MED12L: variants seen among roughly 807,000 people sequenced by gnomAD.
The protein encoded by MED12L is mediator of RNA polymerase II transcription subunit 12-like protein.
Under a neutral mutation model 281.3 loss-of-function variants are expected in MED12L, and 60 were observed. The ratio of observed to expected loss-of-function variants is 0.21; its 90% CI spans 0.17 to 0.26. The LOEUF is 0.26. MED12L is among the 10% of genes least tolerant of loss of function. MED12L has a pLI of 1.00. For synonymous variants in MED12L, 974 were observed against 987.2 expected, an observed-to-expected ratio of 0.99 and a Z score of 0.25; for missense variants, 2,146 against 2,680.9, an observed-to-expected ratio of 0.80 and a Z score of 4.41.
chr3:151,097,479 A>T (rs1052253698), intron 2 of MED12L, among the ~76,000 whole-genome samples: 1 of 152,196 alleles, frequency 6.6e-6, no homozygotes, highest in East Asian at 1.9e-4. Flanking sequence ...CTACTGTGTC[A>T]CTGACTTCCA....
intron 2 of MED12L, among the ~76,000 whole-genome samples, chr3:151,114,256 G>A (rs956838951): frequency 4.6e-5 from 7 of 152,156 alleles, no homozygotes; most frequent in Non-Finnish European, 7.3e-5. Context: ...TGCGGATCAC[G>A]ATTTCAGTGA....
At position 151,192,548 on chromosome 3, in the gene MED12L, A is replaced by T; in HGVS notation, c.1969-2A>T. On this transcript the variant is annotated splice_acceptor_variant, in intron 14 of 44. Transcript: ENST00000687756. LOFTEE classifies it high-confidence loss of function. ...TTACTTTCTTTCTCTGGCGATTATC[A>T]GGAACAGAGTATTATGGCGCATATG... The T allele has an allele frequency of 6.5e-7, 1 of 1,528,016 alleles. No individual in the cohort carries two copies. The highest frequency in any genetic ancestry group is 8.8e-7 in the Non-Finnish European group (1 of 1,139,474). The allele number at this position is 1,528,016 out of a possible 1,614,324, so 94.7% of individuals were successfully genotyped here. A position where few individuals can be genotyped will look rare whatever the true frequency, so the allele number is the denominator to read the frequency against.
chr3:151,311,684 CTTCATCATG>C (rs1376041183), intron 16 of MED12L, among the ~76,000 whole-genome samples: 1 of 152,152 alleles, frequency 6.6e-6, no homozygotes. Context: ...CCACATTCTA[CTTCATCATG>C]ATATGTAGCA....
intron 36 of MED12L, among the ~76,000 whole-genome samples, chr3:151,386,578 GTT>G (rs201719010): frequency 1.6e-5 from 2 of 128,376 alleles, no homozygotes; most frequent in Non-Finnish European, 3.2e-5. Flanking sequence ...TTTTGTCTTT[GTT>G]TTTTTTTTTT....
Position 151,337,928 on chromosome 3 carries a change from T to G in MED12L, c.2251-12131T>G, listed in dbSNP as rs1448402312. ...ACTTCAGCATACTTATCAAGGAATTTCTGAAGGACTTGCAAAGGAAAAAAT... is the reference window on the plus strand; with the variant it reads ...ACTTCAGCATACTTATCAAGGAATTGCTGAAGGACTTGCAAAGGAAAAAAT... On this transcript the variant is annotated intron_variant, in intron 16 of 44. Coordinates refer to ENST00000687756, the MANE Select transcript of MED12L (RefSeq NM_001393769.1). 7 of 1,614,020 alleles carry G rather than the reference T, an allele frequency of 4.3e-6. No individual in the cohort carries two copies. The African/African-American group carries it at 8.0e-5, about 18-fold the overall frequency.
intron 18 of MED12L, 29 bp from the exon 19 acceptor site, chr3:151,355,866 CT>C: frequency 6.4e-7 from 1 of 1,567,172 alleles, no homozygotes; most frequent in Admixed American, 1.8e-5. Context: ...GAATATTGGT[CT>C]TACAATATTT....
intron 25 of MED12L, among the ~76,000 whole-genome samples, chr3:151,369,200 A>G (rs901365275): frequency 6.6e-6 from 1 of 152,204 alleles, no homozygotes; most frequent in Non-Finnish European, 1.5e-5. Context: ...AGGTCCTACT[A>G]ATCTTGTTGA....
intron 39 of MED12L, among the ~76,000 whole-genome samples, chr3:151,400,151 A>G (rs1715493468): frequency 6.6e-6 from 1 of 152,072 alleles, no homozygotes; most frequent in African/African-American, 2.4e-5. Flanking sequence ...TACCCCTCAC[A>G]ATATCGACAT....
chr3:151,350,365 C>A (rs1201767726), intron 17 of MED12L, among the ~76,000 whole-genome samples, 159 bp downstream of exon 17: 5 of 151,768 alleles, frequency 3.3e-5, no homozygotes, highest in African/African-American at 9.7e-5. Flanking sequence ...AATTTTAAAG[C>A]CTTGTTTCCA....
intron 30 of MED12L, 108 bp from the exon 31 acceptor site, chr3:151,377,904 C>T: frequency 1.9e-6 from 2 of 1,068,558 alleles, no homozygotes; most frequent in Non-Finnish European, 1.3e-6. Context: ...AATTTTAGAA[C>T]AGTCTGTGTG....
At chr3:151,347,697 G>A (rs533711836) in intron 16 of MED12L, among the ~76,000 whole-genome samples, 1 of 152,176 alleles carries the variant, frequency 6.6e-6, no homozygotes, top group Non-Finnish European at 1.5e-5. Flanking sequence ...GGGATGTGCA[G>A]AGGAGGAGGG....
At chr3:151,114,504 G>A (rs1252274514) in intron 2 of MED12L, among the ~76,000 whole-genome samples, 4 of 152,138 alleles carry the variant, frequency 2.6e-5, no homozygotes, top group Non-Finnish European at 5.9e-5. Flanking sequence ...TAATCATAGC[G>A]GTGATTTTGA....
chr3:151,326,113 T>C (rs983889934), intron 16 of MED12L, among the ~76,000 whole-genome samples: 1 of 152,200 alleles, frequency 6.6e-6, no homozygotes, highest in African/African-American at 2.4e-5. Context: ...GGCTATTCCA[T>C]GATCCTCCTG....
chr3:151,179,335 AAAAAAAAAGGGCG>A (rs1458521491), intron 11 of MED12L, among the ~76,000 whole-genome samples: 1 of 151,474 alleles, frequency 6.6e-6, no homozygotes, highest in Non-Finnish European at 1.5e-5. Flanking sequence ...GCCAGACCGA[AAAAAAAAAGGGCG>A]GGGGGTTAAT....
chr3:151,436,562 G>T lies in MED12L; in HGVS notation c.*3758G>T. 1.6e-6 allele frequency: 1 copy of T among 633,578 alleles called. No individual in the cohort carries two copies. The highest frequency in any genetic ancestry group is 2.7e-6 in the Non-Finnish European group (1 of 372,120). The allele number at this position is 633,578 out of a possible 1,614,324, so 39.2% of individuals were successfully genotyped here. ...ATTTATTTACAAGTCCTTTTATTTT[G>T]CATGTTCATTGTAAATTTAATACTG... On this transcript the variant is annotated 3_prime_UTR_variant, in exon 45 of 45. Coordinates refer to ENST00000687756, the MANE Select transcript of MED12L (RefSeq NM_001393769.1).
At chr3:151,158,507 A>C (rs1437718529) in intron 6 of MED12L, among the ~76,000 whole-genome samples, 182 bp from the exon 7 acceptor site, 1 of 152,132 alleles carries the variant, frequency 6.6e-6, no homozygotes, top group Non-Finnish European at 1.5e-5. Context: ...CTAAAAAACA[A>C]AAAAAACTAT....
intron 7 of MED12L, among the ~76,000 whole-genome samples, chr3:151,159,360 C>T (rs1253085142): frequency 6.6e-6 from 1 of 152,190 alleles, no homozygotes; most frequent in Non-Finnish European, 1.5e-5. Flanking sequence ...CATACCCTCC[C>T]CACAGACTAT....
intron 31 of MED12L, among the ~76,000 whole-genome samples, chr3:151,378,965 A>G (rs1345213675): frequency 6.6e-6 from 1 of 152,214 alleles, no homozygotes; most frequent in East Asian, 1.9e-4. Flanking sequence ...TATCTTCTTT[A>G]TATCATGTTG....
chr3:151,277,987 G>A (rs1742173089), intron 16 of MED12L, among the ~76,000 whole-genome samples: 1 of 152,166 alleles, frequency 6.6e-6, no homozygotes, highest in Non-Finnish European at 1.5e-5. Flanking sequence ...TGTCCTGGAT[G>A]AATACCTTTT....
Sources: gnomAD v4.1 joint callset for allele counts (sites outside exome capture counted in the v4.1 genomes callset) on GRCh38, gnomAD v4.1.1 for gene constraint, MANE v1.5 for transcripts, NCBI Gene and HGNC (gene_info 2026-07-23, HGNC 2026-07-21) for gene names.